The following DPP6 variants were observed in gnomAD, a reference collection of about 807,000 sequenced individuals.
DPP6 encodes dipeptidyl peptidase like 6, also known as A-type potassium channel modulatory protein DPP6.
In DPP6, 69 loss-of-function variants were observed where a neutral mutation model predicts 122.6. That is an observed-to-expected ratio of 0.56 (90% CI 0.46 to 0.69). The LOEUF (loss-of-function observed/expected upper bound fraction) is 0.69. Among genes scored for constraint, DPP6 ranks in the 30% least tolerant of loss-of-function variants. The probability of loss-of-function intolerance (pLI) is 0.00; values close to 1 mark genes in which losing one functional copy is unlikely to be tolerated. For missense variants in DPP6, 928 were observed against 1,116.9 expected, an observed-to-expected ratio of 0.83 and a Z score of 2.41; for synonymous variants, 418 against 433.1, an observed-to-expected ratio of 0.97 and a Z score of 0.43.
At chr7:153,797,323 A>C in the DPP6 span, among the ~76,000 whole-genome samples, 1 of 152,318 alleles carries the variant, frequency 6.6e-6, no homozygotes, top group Non-Finnish European at 1.5e-5. Flanking sequence ...AAAATGAAGG[A>C]AGAAGAGGAG....
chr7:154,347,146 G>A (rs7794555), intron 1 of DPP6, among the ~76,000 whole-genome samples: 37,875 of 152,040 alleles, frequency 0.25, 9,647 homozygotes, highest in African/African-American at 0.66. Flanking sequence ...TCTCCTGCTC[G>A]GTTCATGTAA....
At chr7:154,655,448 CT>C (rs1441532474) in intron 6 of DPP6, among the ~76,000 whole-genome samples, 1 of 152,042 alleles carries the variant, frequency 6.6e-6, no homozygotes, top group Non-Finnish European at 1.5e-5. Flanking sequence ...ACTAATCCAT[CT>C]CTACCCAGGA....
intron 1 of DPP6, among the ~76,000 whole-genome samples, chr7:154,323,811 A>G (rs1461722110): frequency 1.3e-5 from 2 of 152,150 alleles, no homozygotes; most frequent in Non-Finnish European, 2.9e-5. Flanking sequence ...GCTGATTCCC[A>G]TGAGTTTGTA....
the DPP6 span, among the ~76,000 whole-genome samples, chr7:153,772,366 G>C: frequency 8.5e-5 from 13 of 152,170 alleles, no homozygotes; most frequent in African/African-American, 2.9e-4. Context: ...TTACAGGTGT[G>C]AGGCACCACG....
intron 1 of DPP6, among the ~76,000 whole-genome samples, chr7:153,900,715 T>C (rs1799608802): frequency 1.3e-5 from 2 of 152,258 alleles, no homozygotes; most frequent in African/African-American, 2.4e-5. Flanking sequence ...GGGATCAAAT[T>C]TGAACATGAG....
At chr7:154,717,882 C>T (rs1031756084) in intron 7 of DPP6, among the ~76,000 whole-genome samples, 20 of 152,074 alleles carry the variant, frequency 1.3e-4, no homozygotes, top group Non-Finnish European at 1.9e-4. Flanking sequence ...GTATAAAAGG[C>T]CCCCCCTTAT....
chr7:154,717,807 T>C (rs1841575490), intron 7 of DPP6, among the ~76,000 whole-genome samples: 1 of 152,198 alleles, frequency 6.6e-6, no homozygotes, highest in Admixed American at 6.5e-5. Flanking sequence ...CTATTTTTCA[T>C]TTTTTAAGGA....
intron 1 of DPP6, among the ~76,000 whole-genome samples, chr7:153,910,780 A>T (rs1178315861): frequency 1.3e-5 from 2 of 152,006 alleles, no homozygotes; most frequent in Non-Finnish European, 2.9e-5. Flanking sequence ...GCTTGCAGCG[A>T]CCTTTGGTTT....
At chr7:154,004,115 GCATGAGTGGATAGT>G (rs1161261333) in intron 1 of DPP6, among the ~76,000 whole-genome samples, 1 of 152,226 alleles carries the variant, frequency 6.6e-6, no homozygotes, top group Non-Finnish European at 1.5e-5. Context: ...TGTAGTAGAA[GCATGAGTGGATAGT>G]CATGACCTGC....
chr7:154,314,511 C>G (rs1367805267), intron 1 of DPP6, among the ~76,000 whole-genome samples: 1 of 152,182 alleles, frequency 6.6e-6, no homozygotes, highest in Non-Finnish European at 1.5e-5. Context: ...TAACGTAAAC[C>G]CCTTTTCCAA....
Position 154,651,479 on chromosome 7 carries a change from G to A in DPP6, c.680+13606G>A, listed in dbSNP as rs150113419. Among the ~76,000 whole-genome samples the A allele has an allele frequency of 1.1e-4, 16 of 152,044 alleles. No individual in the cohort carries two copies. The East Asian group carries it at 2.9e-3, about 28-fold the overall frequency. On this transcript the variant is annotated intron_variant, in intron 6 of 25. Coordinates refer to ENST00000377770, the MANE Select transcript of DPP6 (RefSeq NM_130797.4). ...CTACCTCGATGAGATCTCCCCTTCC[G>A]TGGGCTAAACAAAACCCCAAGCAGT...
At chr7:154,622,179 C>T (rs1834730490) in intron 5 of DPP6, among the ~76,000 whole-genome samples, 1 of 152,116 alleles carries the variant, frequency 6.6e-6, no homozygotes, top group Non-Finnish European at 1.5e-5. Context: ...CCTGTTTTCC[C>T]AACATAGTTA....
At chr7:154,073,554 A>G (rs1803282605) in intron 1 of DPP6, among the ~76,000 whole-genome samples, 1 of 152,188 alleles carries the variant, frequency 6.6e-6, no homozygotes, top group Non-Finnish European at 1.5e-5. Flanking sequence ...ACTTTTCTAT[A>G]CTTACCTTTA....
intron 16 of DPP6, among the ~76,000 whole-genome samples, chr7:154,843,232 G>C (rs866279166): frequency 6.6e-6 from 1 of 152,218 alleles, no homozygotes; most frequent in Admixed American, 6.5e-5. Flanking sequence ...AGCCCGGGAA[G>C]TAGAGGTTGC....
In DPP6 at chr7:154,755,542, G is replaced by A. The variant is rs76143271; in HGVS notation, c.884-13875G>A. Among the ~76,000 whole-genome samples, 10 of 152,198 alleles carry A rather than the reference G, an allele frequency of 6.6e-5. No individual in the cohort carries two copies. The highest frequency in any genetic ancestry group is 1.2e-4 in the African/African-American group (5 of 41,534). ...AATAGTGTCTACCTGGAGTGATTGC[G>A]TTGAGGATTAAATGAGTTAACCCAT... On this transcript the variant is annotated intron_variant, in intron 8 of 25. Transcript: ENST00000377770. The surrounding 1 kb of genome is among the most constrained non-coding windows in gnomAD (Gnocchi z 4.7).
chr7:154,865,493 T>C (rs1405647607), intron 17 of DPP6: 1 of 152,228 alleles, frequency 6.6e-6, no homozygotes, highest in Non-Finnish European at 1.5e-5. Flanking sequence ...TGAATTAACT[T>C]AGGTGCATCA....
intron 1 of DPP6, among the ~76,000 whole-genome samples, chr7:153,892,665 A>G (rs1239503487): frequency 3.9e-5 from 6 of 152,250 alleles, no homozygotes; most frequent in South Asian, 2.1e-4. Context: ...CAGTAATGCA[A>G]TATTTTTCCT....
chr7:154,750,108 C>G (rs1210420114), intron 8 of DPP6, among the ~76,000 whole-genome samples: 1 of 152,136 alleles, frequency 6.6e-6, no homozygotes, highest in East Asian at 1.9e-4. Flanking sequence ...TTCCCACACC[C>G]TTGCTCCTGG....
chr7:154,425,606 G>A (rs55947925), intron 1 of DPP6, among the ~76,000 whole-genome samples: 65 of 78,370 alleles, frequency 8.3e-4, no homozygotes, highest in African/African-American at 1.7e-3. Context: ...GGAAAAAAAT[G>A]TGTGTGTGTG....
Sources: gnomAD v4.1 joint callset for allele counts (sites outside exome capture counted in the v4.1 genomes callset) on GRCh38, gnomAD v4.1.1 for gene constraint, Gnocchi (gnomAD v3.1) non-coding constraint, MANE v1.5 for transcripts, NCBI Gene and HGNC (gene_info 2026-07-23, HGNC 2026-07-21) for gene names.